Variants in MIB1 observed in about 807,000 individuals in gnomAD.
MIB1 encodes the protein MIB E3 ubiquitin protein ligase 1.
Under a neutral mutation model 124.5 loss-of-function variants are expected in MIB1, and 278 were observed. The observed-to-expected ratio is 2.23, with a 90% CI of 2.02 to 2.47. MIB1 has a LOEUF of 2.47. Among genes scored for constraint, MIB1 ranks in the 30% most tolerant of loss-of-function variants. MIB1 has a pLI of 0.00. For missense variants in MIB1, 957 were observed against 1,254.4 expected (o/e 0.76, Z 3.58); for synonymous variants, 446 against 429.4 (o/e 1.04, Z -0.48).
chr18:21,808,464 T>C (rs575603928), intron 10 of MIB1, among the ~76,000 whole-genome samples: 1 of 152,332 alleles, frequency 6.6e-6, no homozygotes, highest in African/African-American at 2.4e-5. Flanking sequence ...TTTCTGGCCC[T>C]TCACAGAAAA....
At position 21,767,548 on chromosome 18, in the gene MIB1, A is replaced by AT. The variant is rs541405792; in HGVS notation, c.402-1065dup. On this transcript the variant is annotated intron_variant, in intron 2 of 20. Transcript: ENST00000261537. ...ACTCTTAAATTTTTGAATAATGGCT[A>AT]TTTTTTTTTTGTTTTTTGAAATGGA... Among the ~76,000 whole-genome samples the AT allele has an allele frequency of 3.1e-3, 456 of 148,414 alleles. 1 individual carries two copies. In the Middle Eastern group the frequency reaches 0.034, roughly 11 times the overall value.
intron 4 of MIB1, among the ~76,000 whole-genome samples, chr18:21,774,712 A>G (rs1359463469): frequency 6.6e-6 from 1 of 151,934 alleles, no homozygotes; most frequent in Non-Finnish European, 1.5e-5. Context: ...AATTCTTTAC[A>G]TTTCCTTTTT....
intron 10 of MIB1, among the ~76,000 whole-genome samples, chr18:21,805,200 A>G (rs984098176): frequency 6.6e-6 from 1 of 151,988 alleles, no homozygotes; most frequent in Non-Finnish European, 1.5e-5. Context: ...TTTAGTAGAC[A>G]CAGGGTTTTG....
rs1210575720 is a variant in MIB1 at position 21,815,769 on chromosome 18, G to C, written c.1633G>C (p.Val545Leu). 3 of 1,614,164 alleles carry C rather than the reference G, an allele frequency of 1.9e-6. No homozygotes were observed. The highest frequency in any genetic ancestry group is 8.5e-7 in the Non-Finnish European group (1 of 1,180,020). The stretch of plus-strand genomic sequence containing the variant: ...TGCTGTCAATAAAGGTCATCTTCAA[G>C]TTGTGAAGACTTTATTGGACTTTGG... ...HIAVNKGHLQ[V>L]VKTLLDFGCH... Residue 545 changes from valine to leucine, a missense_variant, in exon 11 of 21, where the codon GTT becomes CTT. Val to Leu is a conservative substitution (Grantham distance 32, BLOSUM62 1). Transcript: ENST00000261537.
At chr18:21,729,062 T>C (rs2040755782) in intron 1 of MIB1, among the ~76,000 whole-genome samples, 1 of 152,200 alleles carries the variant, frequency 6.6e-6, no homozygotes, top group Non-Finnish European at 1.5e-5. Flanking sequence ...TCATTTCAAC[T>C]GCATCTCAGG....
chr18:21,724,581 T>C (rs1005542153), intron 1 of MIB1, among the ~76,000 whole-genome samples: 2 of 150,270 alleles, frequency 1.3e-5, no homozygotes, highest in African/African-American at 4.9e-5. Flanking sequence ...GGCATATGCC[T>C]GTAGTCCCAG....
rs906948905 is a variant in MIB1, at chr18:21,815,884, T to C, written c.1677+71T>C. 6 of 1,333,928 alleles carry C rather than the reference T, an allele frequency of 4.5e-6. No individual in the cohort carries two copies. In the African/African-American group the frequency reaches 5.8e-5, roughly 13 times the overall value. The allele number at this position is 1,333,928 out of a possible 1,614,324, so 82.6% of individuals were successfully genotyped here. ...TATTAAAGGGAAACATTAAGTTCTA[T>C]GGTAAGCATTCCTTTGTTACCGTTC... On this transcript the variant is annotated intron_variant, in intron 11 of 20. Coordinates refer to ENST00000261537, the MANE Select transcript of MIB1 (RefSeq NM_020774.4).
intron 1 of MIB1, among the ~76,000 whole-genome samples, chr18:21,721,185 TTTTTTTTTTTTTTG>T (rs1386643836): frequency 1.7e-5 from 2 of 120,042 alleles, no homozygotes; most frequent in African/African-American, 6.7e-5. Flanking sequence ...TTTTTTTTTT[TTTTTTTTTTTTTTG>T]AGACAGAGTC....
intron 8 of MIB1, among the ~76,000 whole-genome samples, chr18:21,799,509 G>C (rs1402391796): frequency 6.6e-6 from 1 of 152,096 alleles, no homozygotes; most frequent in East Asian, 1.9e-4. Context: ...AAGGAAGTTT[G>C]TATCATTGTG....
Position 21,866,043 on chromosome 18 carries a change from A to G in MIB1, c.*1377A>G, listed in dbSNP as rs1287801988. On this transcript the variant is annotated 3_prime_UTR_variant, in exon 21 of 21. Transcript: ENST00000261537. ...CTGCTAGATTATATCAGGTGTTTACATAGTGTCTACTATATGCTGTTGATA... is the reference window on the plus strand; with the variant it reads ...CTGCTAGATTATATCAGGTGTTTACGTAGTGTCTACTATATGCTGTTGATA... 2.6e-5 allele frequency: 4 copies of G among 152,194 alleles called. No homozygotes were observed. Among genetic ancestry groups the G allele is most frequent in the African/African-American group, 9.6e-5 (4 of 41,452 alleles). The allele number at this position is 152,194 out of a possible 1,614,324, so 9.4% of individuals were successfully genotyped here. A position where few individuals can be genotyped will look rare whatever the true frequency, so the allele number is the denominator to read the frequency against.
chr18:21,791,308 G>T, intron 6 of MIB1, 66 bp from the exon 7 acceptor site: 1 of 1,377,416 alleles, frequency 7.3e-7, no homozygotes, highest in East Asian at 2.3e-5. Context: ...GATCTTCACT[G>T]TTTAAGAATT....
chr18:21,845,291 T>A (rs2042125699), intron 15 of MIB1, among the ~76,000 whole-genome samples: 1 of 152,156 alleles, frequency 6.6e-6, no homozygotes, highest in African/African-American at 2.4e-5. Flanking sequence ...ATTACAGGCA[T>A]GAGCCACCAC....
intron 6 of MIB1, among the ~76,000 whole-genome samples, chr18:21,790,873 T>A (rs535184557): frequency 6.6e-6 from 1 of 152,144 alleles, no homozygotes. Context: ...GTGGTAAGAT[T>A]ATGGATGACT....
intron 13 of MIB1, among the ~76,000 whole-genome samples, chr18:21,840,594 G>A (rs995696099): frequency 2.0e-5 from 3 of 149,290 alleles, no homozygotes; most frequent in Non-Finnish European, 4.4e-5. Context: ...TTCGAGACCA[G>A]CCTGGGCAAC....
In MIB1 at chr18:21,759,971, G is replaced by T. The variant is rs116049249; in HGVS notation, c.230-5801G>T. On this transcript the variant is annotated intron_variant, in intron 1 of 20. Transcript: ENST00000261537. The stretch of plus-strand genomic sequence containing the variant: ...TTCAGCTATACAAATTCTCTAAGTT[G>T]TTAAACTCAGGCAAGATACCATTAA... Among the ~76,000 whole-genome samples the T allele has an allele frequency of 3.0e-3, 462 of 152,268 alleles. 1 individual carries two copies. The highest frequency in any genetic ancestry group is 0.011 in the African/African-American group (449 of 41,536).
At chr18:21,730,264 C>T (rs1164676873) in intron 1 of MIB1, among the ~76,000 whole-genome samples, 2 of 152,098 alleles carry the variant, frequency 1.3e-5, no homozygotes, top group Admixed American at 6.5e-5. Context: ...TTCCAAATTA[C>T]GTTTAAAAAA....
chr18:21,830,276 A>G (rs906885688), intron 12 of MIB1, among the ~76,000 whole-genome samples: 1 of 152,190 alleles, frequency 6.6e-6, no homozygotes, highest in African/African-American at 2.4e-5. Flanking sequence ...CTAAACCTTG[A>G]AATAGAAGCT....
At chr18:21,730,280 C>T (rs1388901963) in intron 1 of MIB1, among the ~76,000 whole-genome samples, 1 of 152,058 alleles carries the variant, frequency 6.6e-6, no homozygotes, top group African/African-American at 2.4e-5. Flanking sequence ...AAAAAATTAA[C>T]ACTGGGCTGG....
chr18:21,791,087 C>T (rs1285535100), intron 6 of MIB1, among the ~76,000 whole-genome samples: 1 of 151,672 alleles, frequency 6.6e-6, no homozygotes, highest in Non-Finnish European at 1.5e-5. Context: ...GCCTGTAATC[C>T]CAGCTACTTG....
Sources: gnomAD v4.1 joint callset for allele counts (sites outside exome capture counted in the v4.1 genomes callset) on GRCh38, gnomAD v4.1.1 for gene constraint, MANE v1.5 for transcripts, NCBI Gene and HGNC (gene_info 2026-07-23, HGNC 2026-07-21) for gene names.